ELMO1: variants seen among roughly 807,000 people sequenced by gnomAD.
ELMO1 encodes engulfment and cell motility protein 1.
ELMO1 carries 26 observed loss-of-function variants against 98.9 expected under a neutral mutation model. The observed-to-expected ratio is 0.26, with a 90% confidence interval of 0.19 to 0.36. The LOEUF is 0.36. Among genes scored for constraint, ELMO1 ranks in the 10% least tolerant of loss-of-function variants. The probability of loss-of-function intolerance (pLI) is 1.00; values close to 1 mark genes in which losing one functional copy is unlikely to be tolerated. For missense variants in ELMO1, 627 were observed against 935.2 expected, an observed-to-expected ratio of 0.67 and a Z score of 4.30; for synonymous variants, 346 against 346.0, an observed-to-expected ratio of 1.00 and a Z score of 0.00.
chr7:37,074,288 A>G (rs1797442185), intron 15 of ELMO1, among the ~76,000 whole-genome samples: 1 of 151,638 alleles, frequency 6.6e-6, no homozygotes, highest in African/African-American at 2.4e-5. Flanking sequence ...ACTTGTCTAA[A>G]CAGTGGTAGA....
rs146936917 is a variant in ELMO1, at chr7:36,965,214, T to C, written c.1437+48085A>G. Among the ~76,000 whole-genome samples, 277 of 152,298 alleles carry C rather than the reference T, an allele frequency of 1.8e-3. 1 individual carries two copies. The highest frequency in any genetic ancestry group is 6.3e-3 in the African/African-American group (260 of 41,558). ...CATTCTTAATGTATTCATGGCATCA[T>C]GGCTGGGGTGGCCTGGCTGCCTCCC... On this transcript the variant is annotated intron_variant, in intron 16 of 21. Coordinates refer to ENST00000310758, the MANE Select transcript of ELMO1 (RefSeq NM_014800.11).
At chr7:37,274,436 G>A (rs1231159796) in intron 4 of ELMO1, among the ~76,000 whole-genome samples, 1 of 152,204 alleles carries the variant, frequency 6.6e-6, no homozygotes, top group Non-Finnish European at 1.5e-5. Flanking sequence ...ACCTGTTCAT[G>A]TAAGACTTAA....
At chr7:36,857,872 G>C (rs968135565) in intron 21 of ELMO1, among the ~76,000 whole-genome samples, 1 of 152,104 alleles carries the variant, frequency 6.6e-6, no homozygotes, top group Non-Finnish European at 1.5e-5. Flanking sequence ...GAAACATAAA[G>C]ATAAACCTGG....
chr7:37,191,302 G>T (rs35682279), intron 13 of ELMO1, among the ~76,000 whole-genome samples: 174 of 151,210 alleles, frequency 1.2e-3, no homozygotes, highest in East Asian at 3.7e-3. Flanking sequence ...TTATGTAAAT[G>T]ATTCTGATTA....
chr7:37,324,079 A>G (rs1021373544), intron 2 of ELMO1, among the ~76,000 whole-genome samples: 1 of 150,464 alleles, frequency 6.6e-6, no homozygotes, highest in East Asian at 2.0e-4. Flanking sequence ...TTCCCAGGAG[A>G]CCCCCCAGCT....
At chr7:37,211,813 T>C (rs958634620) in intron 12 of ELMO1, among the ~76,000 whole-genome samples, 1 of 152,086 alleles carries the variant, frequency 6.6e-6, no homozygotes, top group Non-Finnish European at 1.5e-5. Context: ...GGCCCAGATA[T>C]GATGGAAGGG....
At chr7:36,904,140 A>G (rs1783787579) in intron 16 of ELMO1, among the ~76,000 whole-genome samples, 2 of 152,262 alleles carry the variant, frequency 1.3e-5, no homozygotes, top group Non-Finnish European at 1.5e-5. Context: ...CAGTGTTCCC[A>G]GAATCTCCAT....
At chr7:37,124,065 A>AGTTT (rs1286563494) in intron 14 of ELMO1, among the ~76,000 whole-genome samples, 1 of 151,874 alleles carries the variant, frequency 6.6e-6, no homozygotes, top group Non-Finnish European at 1.5e-5. Context: ...GATGCAGAAA[A>AGTTT]GTTTGACAAA....
At chr7:37,020,395 G>T (rs962083499) in intron 15 of ELMO1, among the ~76,000 whole-genome samples, 2 of 152,096 alleles carry the variant, frequency 1.3e-5, no homozygotes. Context: ...ACATTAGAGT[G>T]GTATTTGATA....
chr7:37,185,719 C>T (rs1791162205), intron 13 of ELMO1, among the ~76,000 whole-genome samples: 1 of 151,916 alleles, frequency 6.6e-6, no homozygotes, highest in Non-Finnish European at 1.5e-5. Context: ...TAATAGCATA[C>T]AAAAGAATGA....
intron 6 of ELMO1, among the ~76,000 whole-genome samples, chr7:37,256,537 AG>A (rs1208098064): frequency 0.011 from 1,367 of 129,490 alleles, 26 homozygotes; most frequent in African/African-American, 0.037. Context: ...GAAGGAAGGA[AG>A]GAAAGAAGGA....
intron 15 of ELMO1, among the ~76,000 whole-genome samples, chr7:37,078,412 T>C (rs1797697584): frequency 1.3e-5 from 2 of 152,194 alleles, no homozygotes; most frequent in African/African-American, 4.8e-5. Context: ...GTCTCTCTCA[T>C]GTCTATATCT....
intron 4 of ELMO1, among the ~76,000 whole-genome samples, chr7:37,313,708 G>C (rs772117848): frequency 5.3e-5 from 8 of 152,122 alleles, no homozygotes; most frequent in Non-Finnish European, 8.8e-5. Flanking sequence ...TTGGGGTAGA[G>C]CAAGGGAGTC....
At chr7:37,170,962 A>G (rs1006662368) in intron 13 of ELMO1, among the ~76,000 whole-genome samples, 90 of 152,328 alleles carry the variant, frequency 5.9e-4, no homozygotes, top group Admixed American at 5.4e-3. Flanking sequence ...ATGTTAATGC[A>G]AAATAAACAA....
At chr7:37,004,061 T>C (rs1432984203) in intron 16 of ELMO1, among the ~76,000 whole-genome samples, 1 of 141,818 alleles carries the variant, frequency 7.1e-6, no homozygotes, top group Non-Finnish European at 1.5e-5. Context: ...AATTACAAGA[T>C]AAATATTTTT....
intron 15 of ELMO1, among the ~76,000 whole-genome samples, chr7:37,068,683 AATATAATG>A (rs1797112156): frequency 1.3e-5 from 2 of 152,206 alleles, no homozygotes; most frequent in Non-Finnish European, 1.5e-5. Context: ...TTCATTACCC[AATATAATG>A]ATATAATGAA....
chr7:37,326,825 T>C (rs891860341), intron 2 of ELMO1, among the ~76,000 whole-genome samples: 3 of 152,182 alleles, frequency 2.0e-5, no homozygotes, highest in African/African-American at 7.2e-5. Context: ...CTTTAGATAT[T>C]CTAACATGCT....
intron 16 of ELMO1, among the ~76,000 whole-genome samples, chr7:36,983,264 G>C (rs1387070385): frequency 2.0e-5 from 3 of 152,206 alleles, no homozygotes; most frequent in Admixed American, 6.5e-5. Flanking sequence ...GTAACATAAA[G>C]GGGCAACCAA....
intron 13 of ELMO1, among the ~76,000 whole-genome samples, chr7:37,142,994 A>G (rs2129310446): frequency 6.6e-6 from 1 of 152,258 alleles, no homozygotes. Context: ...ACAGGCATTC[A>G]TTTGCTATTT....
Sources: allele counts gnomAD v4.1 joint callset (sites outside exome capture counted in the v4.1 genomes callset), GRCh38; gene constraint gnomAD v4.1.1; transcripts MANE v1.5; gene names NCBI Gene and HGNC (gene_info 2026-07-23, HGNC 2026-07-21).